Variants in PTK2 observed in about 807,000 individuals in gnomAD.
PTK2 encodes focal adhesion kinase 1.
Under a neutral mutation model 150.1 loss-of-function variants are expected in PTK2, and 45 were observed. The ratio of observed to expected loss-of-function variants is 0.30; its 90% CI spans 0.24 to 0.38. PTK2 has a LOEUF of 0.38. Ranked by LOEUF, PTK2 falls within the 10% of genes least tolerant of loss-of-function variation. The pLI, the probability that PTK2 is intolerant of heterozygous loss-of-function variation, is 1.00. For missense variants in PTK2, 919 were observed against 1,307.3 expected (o/e 0.70, Z 4.58); for synonymous variants, 432 against 449.2 (o/e 0.96, Z 0.48).
At chr8:140,729,426 T>A (rs1426247225) in intron 22 of PTK2, among the ~76,000 whole-genome samples, 2 of 152,182 alleles carry the variant, frequency 1.3e-5, no homozygotes. Context: ...CCCCACTGTA[T>A]GTGAAATTAT....
chr8:140,810,973 T>C (rs538419017), intron 10 of PTK2, among the ~76,000 whole-genome samples: 90 of 152,296 alleles, frequency 5.9e-4, no homozygotes, highest in African/African-American at 2.1e-3. Flanking sequence ...ACCCAAACCG[T>C]GCTGCTACTG....
intron 1 of PTK2, among the ~76,000 whole-genome samples, chr8:140,977,690 T>C (rs1353205253): frequency 1.3e-5 from 2 of 151,878 alleles, no homozygotes; most frequent in South Asian, 2.1e-4. Context: ...GAATGAGACT[T>C]TGCCTCAAAA....
intron 27 of PTK2, among the ~76,000 whole-genome samples, chr8:140,676,930 G>A (rs1270382943): frequency 7.7e-6 from 1 of 130,026 alleles, no homozygotes; most frequent in African/African-American, 3.1e-5. Flanking sequence ...AACAACAGAG[G>A]GAGACTCCAT....
At chr8:140,701,286 G>A (rs2100030283) in intron 25 of PTK2, among the ~76,000 whole-genome samples, 1 of 152,088 alleles carries the variant, frequency 6.6e-6, no homozygotes, top group African/African-American at 2.4e-5. Flanking sequence ...TATGTGCAAA[G>A]AATACATTGT....
chr8:140,729,060 C>A (rs1161182931), intron 22 of PTK2, among the ~76,000 whole-genome samples: 1 of 151,902 alleles, frequency 6.6e-6, no homozygotes. Context: ...AGGTATGATA[C>A]TGAGAAGCGA....
chr8:140,802,990 G>T, intron 11 of PTK2, among the ~76,000 whole-genome samples: 1 of 143,044 alleles, frequency 7.0e-6, no homozygotes. Context: ...AATTTCCTTG[G>T]TACTTGATGA....
chr8:140,798,278 A>T (rs1301189275), intron 12 of PTK2, among the ~76,000 whole-genome samples: 1 of 152,188 alleles, frequency 6.6e-6, no homozygotes, highest in Non-Finnish European at 1.5e-5. Context: ...ATAATCCACT[A>T]AAGATGTTTG....
intron 16 of PTK2, among the ~76,000 whole-genome samples, chr8:140,753,003 C>G (rs1029413283): frequency 6.6e-6 from 1 of 152,214 alleles, no homozygotes; most frequent in South Asian, 2.1e-4. Flanking sequence ...AAAGATGCGA[C>G]TTTTACTCAA....
At chr8:140,943,115 T>C (rs981587720) in intron 1 of PTK2, among the ~76,000 whole-genome samples, 1 of 152,168 alleles carries the variant, frequency 6.6e-6, no homozygotes, top group Non-Finnish European at 1.5e-5. Flanking sequence ...TCTTTACAAA[T>C]TACCCAGTCT....
At chr8:140,806,931 C>T (rs2100098468) in intron 10 of PTK2, among the ~76,000 whole-genome samples, 1 of 152,182 alleles carries the variant, frequency 6.6e-6, no homozygotes, top group Non-Finnish European at 1.5e-5. Flanking sequence ...TCTCTCACGC[C>T]ACCCTACTAT....
At chr8:140,740,479 T>C (rs2100055047) in intron 20 of PTK2, among the ~76,000 whole-genome samples, 1 of 152,224 alleles carries the variant, frequency 6.6e-6, no homozygotes, top group African/African-American at 2.4e-5. Flanking sequence ...ATGAGTTGCC[T>C]CTGAAGACTA....
chr8:140,992,170 T>C (rs1416069099), intron 1 of PTK2, among the ~76,000 whole-genome samples: 1 of 151,228 alleles, frequency 6.6e-6, no homozygotes, highest in Non-Finnish European at 1.5e-5. Context: ...TGTGCGCCTG[T>C]AATCATAGCT....
At chr8:140,865,602 T>G (rs1355900831) in intron 4 of PTK2, among the ~76,000 whole-genome samples, 1 of 152,248 alleles carries the variant, frequency 6.6e-6, no homozygotes, top group Non-Finnish European at 1.5e-5. Flanking sequence ...CTAAGACTTA[T>G]AAATGTCCAT....
At chr8:140,929,983 G>A (rs2154608501) in intron 1 of PTK2, among the ~76,000 whole-genome samples, 1 of 152,210 alleles carries the variant, frequency 6.6e-6, no homozygotes, top group African/African-American at 2.4e-5. Context: ...ATTGGACAGA[G>A]TCCCATCCCA....
At chr8:140,659,267 A>T in exon 32 of PTK2, 1 of 554,036 alleles carries the variant, frequency 1.8e-6, no homozygotes. Context: ...TCATGATTGA[A>T]AAAAACAAAA....
In PTK2 at chr8:140,663,777, G is replaced by C. The variant is rs528085132; in HGVS notation, c.2946+1140C>G. On this transcript the variant is annotated intron_variant, in intron 31 of 31. Coordinates refer to ENST00000522684, the Ensembl canonical transcript of PTK2. ...TAGCCTGAAACTCCTGGGCTCAAGC[G>C]ATCATCCTGCTTCAGCCTCCTGAGT... Among the ~76,000 whole-genome samples, 4 of 152,074 alleles carry C rather than the reference G, an allele frequency of 2.6e-5. No individual in the cohort carries two copies. In the East Asian group the frequency reaches 5.8e-4, roughly 22 times the overall value.
chr8:140,965,261 A>C (rs2100184837), intron 1 of PTK2, among the ~76,000 whole-genome samples: 2 of 152,156 alleles, frequency 1.3e-5, no homozygotes, highest in Admixed American at 1.3e-4. Flanking sequence ...TTTACAGAGC[A>C]ACTTGTACTT....
At chr8:140,904,854 T>G (rs1360789209) in intron 2 of PTK2, among the ~76,000 whole-genome samples, 5 of 152,200 alleles carry the variant, frequency 3.3e-5, no homozygotes, top group African/African-American at 1.2e-4. Flanking sequence ...ATCCCCTTTA[T>G]CATTTTTTAT....
At chr8:140,742,743 T>C (rs752104373) in intron 20 of PTK2, among the ~76,000 whole-genome samples, 5 of 152,268 alleles carry the variant, frequency 3.3e-5, no homozygotes, top group Non-Finnish European at 5.9e-5. Context: ...GTTCCTTTTA[T>C]ATTCTAGATA....
Sources: allele counts gnomAD v4.1 joint callset (sites outside exome capture counted in the v4.1 genomes callset), GRCh38; gene constraint gnomAD v4.1.1; transcripts MANE v1.5; gene names NCBI Gene and HGNC (gene_info 2026-07-23, HGNC 2026-07-21).